TAGLN: variants seen among roughly 807,000 people sequenced by gnomAD.
The protein encoded by TAGLN is 22 kDa actin-binding protein.
TAGLN carries 16 observed loss-of-function variants against 21.9 expected under a neutral mutation model. The ratio of observed to expected loss-of-function variants is 0.73; its 90% confidence interval spans 0.49 to 1.11. The LOEUF is 1.11. Ranked by LOEUF, TAGLN falls within the 50% of genes least tolerant of loss-of-function variation. TAGLN has a pLI of 0.00. For missense variants in TAGLN, 248 were observed against 263.2 expected (o/e 0.94, Z 0.40); for synonymous variants, 96 against 94.9 (o/e 1.01, Z -0.06).
chr11:117,203,294 C>G lies in TAGLN; in HGVS notation c.181-13C>G, dbSNP rs751128158. The G allele has an allele frequency of 6.2e-7, 1 of 1,613,950 alleles. No individual in the cohort carries two copies. Among genetic ancestry groups the G allele is most frequent in the Admixed American group, 1.7e-5 (1 of 60,006 alleles). ...TGACTGCTAAGCTGCGTCCTATGCC[C>G]TATGCCTGGTAGATTCTGAGCAAGC... On this transcript the variant is annotated splice_polypyrimidine_tract_variant and intron_variant, in intron 2 of 4. Transcript: ENST00000392951. The surrounding 1 kb of genome is among the most constrained non-coding windows in gnomAD (Gnocchi z 4.4).
rs1011566695 is a variant in TAGLN at position 117,203,262 on chromosome 11, C to T, written c.181-45C>T. On this transcript the variant is annotated intron_variant, in intron 2 of 4. Coordinates refer to ENST00000392951, the MANE Select transcript of TAGLN (RefSeq NM_003186.5). This position sits in a 1 kb window ranked among gnomAD's most constrained non-coding sequence, Gnocchi z 4.4. The stretch of plus-strand genomic sequence containing the variant: ...CCACCCTGTGAGTCCTGGGCCAATC[C>T]CTGAGCTGACTGCTAAGCTGCGTCC... 3 of 1,608,192 alleles carry T rather than the reference C, an allele frequency of 1.9e-6. No individual in the cohort carries two copies. In the African/African-American group the frequency reaches 4.0e-5, roughly 22 times the overall value.
rs2134275709 is a variant in TAGLN at position 117,205,546 on chromosome 11, A to G, written c.*1187A>G. 1 of 236,406 alleles carries G rather than the reference A, an allele frequency of 4.2e-6. No homozygotes were observed. Among genetic ancestry groups the G allele is most frequent in the East Asian group, 6.0e-5 (1 of 16,620 alleles). The allele number at this position is 236,406 out of a possible 1,614,324, so 14.6% of individuals were successfully genotyped here. ...GATAATGGAGGCAGCCGCTTTCAGG[A>G]CAGGCATGTCCAGGGGCTCCTCCCA... On this transcript the variant is annotated 3_prime_UTR_variant, in exon 5 of 5. Coordinates refer to ENST00000392951, the MANE Select transcript of TAGLN (RefSeq NM_003186.5).
At position 117,204,507 on chromosome 11, in the gene TAGLN, G is replaced by A; in HGVS notation, c.*148G>A. The stretch of plus-strand genomic sequence containing the variant: ...TCACTGAGCAATGGTAACTGCACCT[G>A]GGCAGCTCCTCCCTGTGCCCCCAGC... On this transcript the variant is annotated 3_prime_UTR_variant, in exon 5 of 5. Coordinates refer to ENST00000392951, the MANE Select transcript of TAGLN (RefSeq NM_003186.5). The A allele has an allele frequency of 8.1e-7, 1 of 1,237,438 alleles. No individual in the cohort carries two copies. Among genetic ancestry groups the A allele is most frequent in the Non-Finnish European group, 1.2e-6 (1 of 866,946 alleles). 76.7% of individuals were successfully genotyped at this position (1,237,438 alleles called of 1,614,324 possible).
At chr11:117,199,515 G>A (rs2030996342) in intron 1 of TAGLN, 83 bp downstream of exon 1, 1 of 152,300 alleles carries the variant, frequency 6.6e-6, no homozygotes, top group African/African-American at 2.4e-5. Context: ...AGGCTCTCCT[G>A]AGGTCCCAGG....
In TAGLN at chr11:117,204,303, G is replaced by A. The variant is rs755629432; in HGVS notation, c.550G>A (p.Gly184Arg). 3 of 1,614,248 alleles carry A rather than the reference G, an allele frequency of 1.9e-6. No individual in the cohort carries two copies. Among genetic ancestry groups the A allele is most frequent in the Admixed American group, 3.3e-5 (2 of 60,030 alleles). Residue 184 changes from glycine (G) to arginine (R), a missense_variant, in exon 5 of 5, where the codon GGG (glycine) becomes AGG (arginine). By Grantham distance (125) the Gly-to-Arg change is moderately radical. Transcript: ENST00000392951. ...TGGCCTTCAGATGGGCAGCAACAGA[G>A]GGGCCTCCCAGGCCGGCATGACAGG... ...VIGLQMGSNR[G>R]ASQAGMTGYG...
intron 4 of TAGLN, 49 bp from the exon 5 acceptor site, chr11:117,204,166 G>T (rs760860382): frequency 1.2e-6 from 2 of 1,610,326 alleles, no homozygotes; most frequent in African/African-American, 2.7e-5. Flanking sequence ...AAAACGGGTG[G>T]AAAACACACA....
chr11:117,204,759 T>TAAAAA lies in TAGLN; in HGVS notation c.*400_*401insAAAAA. On this transcript the variant is annotated 3_prime_UTR_variant, in exon 5 of 5. Coordinates refer to ENST00000392951, the MANE Select transcript of TAGLN (RefSeq NM_003186.5). The stretch of plus-strand genomic sequence containing the variant: ...CCTGGAATATTTTTGGGGTTGGAAC[T>TAAAAA]CAAAAAAAAAAAAAAAAAATCAATC... 1 of 138,966 alleles carries TAAAAA rather than the reference T, an allele frequency of 7.2e-6. No individual in the cohort carries two copies. The highest frequency in any genetic ancestry group is 1.5e-4 in the South Asian group (1 of 6,758). 8.6% of individuals were successfully genotyped at this position (138,966 alleles called of 1,614,324 possible).
chr11:117,201,039 T>G (rs1266524581), intron 1 of TAGLN: 1 of 152,246 alleles, frequency 6.6e-6, no homozygotes, highest in Non-Finnish European at 1.5e-5. Context: ...CTTGGGGGTT[T>G]GGACCACAGT....
Position 117,203,022 on chromosome 11 carries a change from C to G in TAGLN, c.9C>G (p.Asn3Lys), listed in dbSNP as rs1242207522. 7 of 1,564,194 alleles carry G rather than the reference C, an allele frequency of 4.5e-6. No individual in the cohort carries two copies. The highest frequency in any genetic ancestry group is 6.1e-6 in the Non-Finnish European group (7 of 1,154,604). Residue 3 changes from asparagine to lysine, a missense_variant, in exon 2 of 5, where the codon AAC becomes AAG. Asn to Lys is a moderately conservative substitution (Grantham distance 94, BLOSUM62 0). Coordinates refer to ENST00000392951, the MANE Select transcript of TAGLN (RefSeq NM_003186.5). This position sits in a 1 kb window ranked among gnomAD's most constrained non-coding sequence, Gnocchi z 4.4. Reference sequence around the variant, plus strand: ...TTTAGCTTTCCCCAGACATGGCCAACAAGGGTCCTTCCTATGGCATGAGCC... The same window carrying G: ...TTTAGCTTTCCCCAGACATGGCCAAGAAGGGTCCTTCCTATGGCATGAGCC... MA[N>K]KGPSYGMSRE...
At position 117,203,124 on chromosome 11, in the gene TAGLN, G is replaced by A. The variant is rs140777664; in HGVS notation, c.111G>A (p.Gln37=). 1.9e-6 allele frequency: 3 copies of A among 1,610,998 alleles called. No homozygotes were observed. Among genetic ancestry groups the A allele is most frequent in the Non-Finnish European group, 2.5e-6 (3 of 1,178,332 alleles). ...GGCTGGTGGAGTGGATCATAGTGCA[G>A]TGTGGCCCTGATGTGGGCCGCCCAG... ...EERLVEWIIV[Q]CGPDVGRPDR... is the part of the protein sequence containing the mutation. The change falls in exon 2 of 5, where the codon CAG becomes CAA. Residue 37 remains glutamine (Q), a synonymous_variant. Transcript: ENST00000392951. The surrounding 1 kb of genome is among the most constrained non-coding windows in gnomAD (Gnocchi z 4.4).
At chr11:117,200,100 G>A (rs886340717) in intron 1 of TAGLN, among the ~76,000 whole-genome samples, 6 of 152,126 alleles carry the variant, frequency 3.9e-5, no homozygotes, top group Non-Finnish European at 7.4e-5. Context: ...GGCGGGGCAG[G>A]CCTGGGACCC....
Position 117,204,244 on chromosome 11 carries a change from CAG to C in TAGLN, c.496_497del (p.Ser166ProfsTer58). 6.2e-7 allele frequency: 1 copy of C among 1,614,242 alleles called. No individual in the cohort carries two copies. The highest frequency in any genetic ancestry group is 8.5e-7 in the Non-Finnish European group (1 of 1,180,048). Reference sequence around the variant, plus strand: ...GCGCAGGAGCATAAGAGGGAATTCACAGAGAGCCAGCTGCAGGAGGGAAAGCA... The same window carrying C: ...GCGCAGGAGCATAAGAGGGAATTCACAGAGCCAGCTGCAGGAGGGAAAGCA... On this transcript the variant is annotated frameshift_variant, in exon 5 of 5. Transcript: ENST00000392951. LOFTEE classifies it high-confidence loss of function.
rs2031255708 is a variant in TAGLN, at chr11:117,204,537, G to A, written c.*178G>A. Reference sequence around the variant, plus strand: ...GCTCCTCCCTGTGCCCCCAGCCTCAGCCCAACTTCTTACCCGAAAGCATCA... The same window carrying A: ...GCTCCTCCCTGTGCCCCCAGCCTCAACCCAACTTCTTACCCGAAAGCATCA... On this transcript the variant is annotated 3_prime_UTR_variant, in exon 5 of 5. Coordinates refer to ENST00000392951, the MANE Select transcript of TAGLN (RefSeq NM_003186.5). 17 of 956,982 alleles carry A rather than the reference G, an allele frequency of 1.8e-5. No individual in the cohort carries two copies. The South Asian group carries it at 2.4e-4, about 13-fold the overall frequency. The allele number at this position is 956,982 out of a possible 1,614,324, so 59.3% of individuals were successfully genotyped here.
chr11:117,203,105 T>C lies in TAGLN; in HGVS notation c.92T>C (p.Val31Ala). 1 of 1,585,136 alleles carries C rather than the reference T, an allele frequency of 6.3e-7. No individual in the cohort carries two copies. The highest frequency in any genetic ancestry group is 8.6e-7 in the Non-Finnish European group (1 of 1,167,870). Residue 31 changes from valine to alanine, a missense_variant, in exon 2 of 5, where the codon GTG (valine) becomes GCG (alanine). Coordinates refer to ENST00000392951, the MANE Select transcript of TAGLN (RefSeq NM_003186.5). This position sits in a 1 kb window ranked among gnomAD's most constrained non-coding sequence, Gnocchi z 4.4. ...KYDEELEERL[V>A]EWIIVQCGPD... ...GACGAGGAGCTGGAGGAGCGGCTGG[T>C]GGAGTGGATCATAGTGCAGTGTGGC...
chr11:117,204,151 A>T, intron 4 of TAGLN, 64 bp from the exon 5 acceptor site: 1 of 1,606,378 alleles, frequency 6.2e-7, no homozygotes, highest in African/African-American at 1.3e-5. Flanking sequence ...TAACAGAGGG[A>T]TCAGAAAACG....
rs1357330787 is a variant in TAGLN at position 117,203,053 on chromosome 11, G to A, written c.40G>A (p.Val14Met). ...TCCTTCCTATGGCATGAGCCGCGAAGTGCAGTCCAAAATCGAGAAGAAGTA... is the reference window on the plus strand; with the variant it reads ...TCCTTCCTATGGCATGAGCCGCGAAATGCAGTCCAAAATCGAGAAGAAGTA... Reference protein sequence around the residue: ...KGPSYGMSREVQSKIEKKYDE... With the variant: ...KGPSYGMSREMQSKIEKKYDE... The change falls in exon 2 of 5, where the codon GTG (valine) becomes ATG (methionine). Residue 14 changes from valine to methionine, a missense_variant. By Grantham distance (21) the Val-to-Met change is conservative. Transcript: ENST00000392951. The surrounding 1 kb of genome is among the most constrained non-coding windows in gnomAD (Gnocchi z 4.4). 19 of 1,604,308 alleles carry A rather than the reference G, an allele frequency of 1.2e-5. No individual in the cohort carries two copies. The highest frequency in any genetic ancestry group is 1.7e-5 in the Admixed American group (1 of 58,760).
At chr11:117,200,651 G>A (rs1236482945) in intron 1 of TAGLN, among the ~76,000 whole-genome samples, 1 of 152,212 alleles carries the variant, frequency 6.6e-6, no homozygotes. Flanking sequence ...GGATGGTGGT[G>A]CTGGGTGGGA....
Position 117,203,807 on chromosome 11 carries a change from G to A in TAGLN, c.384G>A (p.Arg128=). 4 of 1,613,922 alleles carry A rather than the reference G, an allele frequency of 2.5e-6. No homozygotes were observed. The highest frequency in any genetic ancestry group is 3.4e-6 in the Non-Finnish European group (4 of 1,179,894). Residue 128 remains arginine, a synonymous_variant, in exon 4 of 5, where the codon AGG becomes AGA. Coordinates refer to ENST00000392951, the MANE Select transcript of TAGLN (RefSeq NM_003186.5). The surrounding 1 kb of genome is among the most constrained non-coding windows in gnomAD (Gnocchi z 4.4). Reference sequence around the variant, plus strand: ...GCAAAGACATGGCAGCAGTGCAGAGGACCCTGATGGCTTTGGGCAGCTTGG... The same window carrying A: ...GCAAAGACATGGCAGCAGTGCAGAGAACCCTGATGGCTTTGGGCAGCTTGG... ...FEGKDMAAVQ[R]TLMALGSLAV...
At position 117,203,030 on chromosome 11, in the gene TAGLN, C is replaced by T; in HGVS notation, c.17C>T (p.Pro6Leu). 6.4e-7 allele frequency: 1 copy of T among 1,573,366 alleles called. No individual in the cohort carries two copies. Among genetic ancestry groups the T allele is most frequent in the Non-Finnish European group, 8.6e-7 (1 of 1,160,274 alleles). ...TCCCCAGACATGGCCAACAAGGGTC[C>T]TTCCTATGGCATGAGCCGCGAAGTG... MANKGPSYGMSREVQS... is the reference protein window; with the variant it reads MANKGLSYGMSREVQS... The change falls in exon 2 of 5, where the codon CCT (proline) becomes CTT (leucine). Residue 6 changes from proline to leucine, a missense_variant. Transcript: ENST00000392951. The surrounding 1 kb of genome is among the most constrained non-coding windows in gnomAD (Gnocchi z 4.4).
Sources: allele counts gnomAD v4.1 joint callset (sites outside exome capture counted in the v4.1 genomes callset), GRCh38; gene constraint gnomAD v4.1.1; non-coding constraint Gnocchi (gnomAD v3.1); transcripts MANE v1.5; gene names NCBI Gene and HGNC (gene_info 2026-07-23, HGNC 2026-07-21).